The following EFCAB6 variants were observed in gnomAD, a reference collection of about 807,000 sequenced individuals.
EFCAB6 encodes EF-hand calcium-binding domain-containing protein 6.
EFCAB6 carries 156 observed loss-of-function variants against 169.8 expected under a neutral mutation model. The ratio of observed to expected loss-of-function variants is 0.92; its 90% CI spans 0.81 to 1.05. The LOEUF (loss-of-function observed/expected upper bound fraction) is 1.05, where lower values mean the gene tolerates loss of function less well. Ranked by LOEUF, EFCAB6 falls within the 50% of genes least tolerant of loss-of-function variation. The pLI is 0.00. For synonymous variants in EFCAB6, 698 were observed against 676.4 expected (o/e 1.03, Z -0.50); for missense variants, 1,800 against 1,829.1 (o/e 0.98, Z 0.29).
chr22:43,760,622 G>T (rs1198659496), intron 5 of EFCAB6, among the ~76,000 whole-genome samples: 6 of 151,294 alleles, frequency 4.0e-5, no homozygotes, highest in Non-Finnish European at 5.9e-5. Context: ...GGTTAGGCCT[G>T]AAGGTTCCGC....
intron 20 of EFCAB6, among the ~76,000 whole-genome samples, chr22:43,623,940 A>G (rs2054309488): frequency 6.6e-6 from 1 of 150,470 alleles, no homozygotes; most frequent in Non-Finnish European, 1.5e-5. Flanking sequence ...AAGAAAAAAG[A>G]AAAAGAAAGG....
At chr22:43,797,617 GCA>G (rs141453344) in intron 2 of EFCAB6, among the ~76,000 whole-genome samples, 7 of 149,654 alleles carry the variant, frequency 4.7e-5, no homozygotes, top group African/African-American at 4.9e-5. Context: ...ACACACACAT[GCA>G]CACACACACA....
intron 13 of EFCAB6, among the ~76,000 whole-genome samples, chr22:43,676,304 C>T (rs2057756056): frequency 6.6e-6 from 1 of 151,240 alleles, no homozygotes; most frequent in South Asian, 2.1e-4. Flanking sequence ...ATAGTCCCAG[C>T]TACTTGGGAG....
intron 3 of EFCAB6, among the ~76,000 whole-genome samples, chr22:43,781,255 C>A (rs1349828151): frequency 6.6e-6 from 1 of 152,174 alleles, no homozygotes; most frequent in East Asian, 1.9e-4. Context: ...CACATAAAAA[C>A]CAGTACACGA....
chr22:43,662,275 G>C (rs970504529), intron 17 of EFCAB6, among the ~76,000 whole-genome samples: 2 of 151,954 alleles, frequency 1.3e-5, no homozygotes, highest in Non-Finnish European at 2.9e-5. Context: ...CAGCAACAAT[G>C]CAGGGACTTG....
At chr22:43,801,182 G>A (rs556634410) in intron 2 of EFCAB6, among the ~76,000 whole-genome samples, 1 of 152,226 alleles carries the variant, frequency 6.6e-6, no homozygotes, top group African/African-American at 2.4e-5. Flanking sequence ...AATTTTCAAA[G>A]TTCTAAAAGA....
rs144542231 is a variant in EFCAB6, at chr22:43,781,227, G to A, written c.139+953C>T. On this transcript the variant is annotated intron_variant, in intron 3 of 31. Transcript: ENST00000262726. Reference sequence around the variant, plus strand: ...TTTAAAACTGGTAAGAACTCCAGATGAGTTGAAAACCTATGTCCACATAAA... The same window carrying A: ...TTTAAAACTGGTAAGAACTCCAGATAAGTTGAAAACCTATGTCCACATAAA... Among the ~76,000 whole-genome samples the A allele has an allele frequency of 5.2e-3, 792 of 152,332 alleles. 5 individuals carry two copies. The highest frequency in any genetic ancestry group is 0.018 in the African/African-American group (732 of 41,572).
At chr22:43,678,347 GT>G (rs2057864684) in intron 12 of EFCAB6, among the ~76,000 whole-genome samples, 184 bp from the exon 13 acceptor site, 1 of 151,640 alleles carries the variant, frequency 6.6e-6, no homozygotes, top group Non-Finnish European at 1.5e-5. Context: ...GTGTGTGTGT[GT>G]GTGTGTGTGT....
At chr22:43,552,046 T>C (rs2048414279) in intron 27 of EFCAB6, 1 of 152,146 alleles carries the variant, frequency 6.6e-6, no homozygotes, top group Non-Finnish European at 1.5e-5. Context: ...TTGGCCAGGC[T>C]GGTCTTGAAA....
Position 43,683,805 on chromosome 22 carries a change from A to C in EFCAB6, c.1193T>G (p.Phe398Cys). 6.2e-7 allele frequency: 1 copy of C among 1,613,682 alleles called. No homozygotes were observed. Among genetic ancestry groups the C allele is most frequent in the Non-Finnish European group, 8.5e-7 (1 of 1,179,702 alleles). Residue 398 changes from phenylalanine to cysteine, a missense_variant, in exon 12 of 32, where the codon TTT becomes TGT. Transcript: ENST00000262726. ...CGCAGAGTGATCTTCAGTGTGTCTA[A>C]ATAACTTTGTGATGATGTTTTCCTT... The part of the protein sequence containing the change: ...SHKENIITKL[F>C]RHTEDHSASL...
At position 43,540,128 on chromosome 22, in the gene EFCAB6, CAG is replaced by C. The variant is rs1418493230; in HGVS notation, c.3876_3877del (p.Cys1293TyrfsTer18). ...CACCTGGCAGGATGGAGAACTCACACAGGGGTGGCTCTGCGACTTTGACCCTG... is the reference window on the plus strand; with the variant it reads ...CACCTGGCAGGATGGAGAACTCACACGGGTGGCTCTGCGACTTTGACCCTG... On this transcript the variant is annotated frameshift_variant and splice_region_variant, in exon 28 of 32. Coordinates refer to ENST00000262726, the MANE Select transcript of EFCAB6 (RefSeq NM_022785.4). LOFTEE classifies it high-confidence loss of function. The C allele has an allele frequency of 3.1e-6, 5 of 1,613,922 alleles. No homozygotes were observed. Among genetic ancestry groups the C allele is most frequent in the Non-Finnish European group, 4.2e-6 (5 of 1,179,868 alleles).
chr22:43,643,111 G>A (rs766551422), intron 17 of EFCAB6, among the ~76,000 whole-genome samples: 1 of 152,164 alleles, frequency 6.6e-6, no homozygotes, highest in Non-Finnish European at 1.5e-5. Context: ...CCCAAGGATC[G>A]CCACGAAAGA....
At chr22:43,771,317 C>G (rs2147965209) in intron 4 of EFCAB6, among the ~76,000 whole-genome samples, 1 of 152,180 alleles carries the variant, frequency 6.6e-6, no homozygotes, top group East Asian at 1.9e-4. Flanking sequence ...TGTAATCCCA[C>G]TATTCGGGAG....
intron 29 of EFCAB6, chr22:43,536,983 C>T (rs2047420525): frequency 6.1e-6 from 1 of 163,962 alleles, no homozygotes; most frequent in Admixed American, 6.4e-5. Context: ...AACGAAACAA[C>T]ATCAAAGAGT....
intron 24 of EFCAB6, among the ~76,000 whole-genome samples, chr22:43,585,225 T>C (rs1387619050): frequency 6.6e-6 from 1 of 151,500 alleles, no homozygotes; most frequent in African/African-American, 2.4e-5. Flanking sequence ...GTAGACAACA[T>C]GCAAGAACAA....
intron 10 of EFCAB6, among the ~76,000 whole-genome samples, chr22:43,688,151 G>T (rs1249658819): frequency 6.6e-6 from 1 of 152,160 alleles, no homozygotes. Flanking sequence ...GACGCTGGTG[G>T]CTTTGAAAGA....
chr22:43,535,129 C>T, intron 29 of EFCAB6: 2 of 417,534 alleles, frequency 4.8e-6, no homozygotes, highest in South Asian at 3.7e-5. Context: ...TGGACAGAGA[C>T]TATGGGAGCT....
At chr22:43,739,992 G>A (rs890424927) in intron 6 of EFCAB6, among the ~76,000 whole-genome samples, 18 of 150,430 alleles carry the variant, frequency 1.2e-4, no homozygotes, top group South Asian at 2.1e-4. Context: ...CCCCCTGGCC[G>A]TGTCTCCCTC....
At chr22:43,678,208 A>G (rs2057853280) in intron 12 of EFCAB6, 45 bp from the exon 13 acceptor site, 1 of 1,553,474 alleles carries the variant, frequency 6.4e-7, no homozygotes. Flanking sequence ...AAAAAAAAAA[A>G]AAAGGAAGAA....
Sources: allele counts gnomAD v4.1 joint callset (sites outside exome capture counted in the v4.1 genomes callset), GRCh38; gene constraint gnomAD v4.1.1; transcripts MANE v1.5; gene names NCBI Gene and HGNC (gene_info 2026-07-23, HGNC 2026-07-21).